The following DCDC1 variants were observed in gnomAD, a reference collection of about 807,000 sequenced individuals.
DCDC1 encodes the protein doublecortin domain containing 1, also known as doublecortin domain-containing protein 1.
A neutral mutation model predicts 178.3 loss-of-function variants in DCDC1; 200 were observed. The observed-to-expected ratio is 1.12, with a 90% CI of 1.00 to 1.26. The LOEUF is 1.26. DCDC1 is among the 50% of genes most tolerant of loss of function. The pLI is 0.00. For missense variants in DCDC1, 1,983 were observed against 1,749.2 expected (o/e 1.13, Z -2.38); for synonymous variants, 690 against 604.8 (o/e 1.14, Z -2.07).
chr11:31,305,708 T>C lies in DCDC1; in HGVS notation c.661A>G (p.Lys221Glu), dbSNP rs973275788. ...AARRVFLADG[K>E]EALEPEDIPH... The stretch of plus-strand genomic sequence containing the variant: ...ATATCTTCAGGTTCGAGGGCTTCCT[T>C]GCCGTCTGCCAAGAACACTCGTCTT... The change falls in exon 6 of 39, where the codon AAG becomes GAG. Residue 221 changes from lysine to glutamate, a missense_variant. Lys to Glu is a moderately conservative substitution (Grantham distance 56). Transcript: ENST00000684477. 3.7e-6 allele frequency: 6 copies of C among 1,613,794 alleles called. No individual in the cohort carries two copies. Among genetic ancestry groups the C allele is most frequent in the Non-Finnish European group, 5.1e-6 (6 of 1,179,908 alleles).
intron 3 of DCDC1, 28 bp from the exon 4 acceptor site, chr11:31,307,936 C>T (rs527943852): frequency 2.5e-6 from 4 of 1,610,168 alleles, no homozygotes; most frequent in African/African-American, 2.7e-5. Context: ...TGGAAGAATA[C>T]AATTAATTGA....
intron 1 of DCDC1, among the ~76,000 whole-genome samples, chr11:31,352,598 C>A (rs764753314): frequency 6.6e-6 from 1 of 152,098 alleles, no homozygotes; most frequent in African/African-American, 2.4e-5. Flanking sequence ...CAATGTACAA[C>A]TCAATCTCAA....
Position 30,970,196 on chromosome 11 carries a change from C to T in DCDC1, c.2592-17628G>A, listed in dbSNP as rs77566890. On this transcript the variant is annotated intron_variant, in intron 20 of 38. Transcript: ENST00000684477. ...AGCCATGGAAAAGTGCCTCAACCCT[C>T]GCAGGTCCTGAAACTAACATAGTGA... is the stretch of plus-strand genomic sequence containing the variant. Among the ~76,000 whole-genome samples, 176 of 152,256 alleles carry T rather than the reference C, an allele frequency of 1.2e-3. 2 individuals carry two copies. The highest frequency in any genetic ancestry group is 6.8e-3 in the East Asian group (35 of 5,172).
intron 9 of DCDC1, among the ~76,000 whole-genome samples, chr11:31,210,568 G>A (rs766647585): frequency 1.1e-4 from 17 of 151,868 alleles, no homozygotes; most frequent in Non-Finnish European, 2.5e-4. Context: ...AAAATTAGCT[G>A]GGCATGGTGG....
chr11:31,342,447 G>T (rs1043519933), intron 1 of DCDC1, among the ~76,000 whole-genome samples: 4 of 152,150 alleles, frequency 2.6e-5, no homozygotes, highest in Admixed American at 1.3e-4. Context: ...GAAGCATTTG[G>T]CACAGGGCTT....
chr11:31,099,721 G>GT (rs371157451), intron 15 of DCDC1, among the ~76,000 whole-genome samples: 5,077 of 136,138 alleles, frequency 0.037, 125 homozygotes, highest in Admixed American at 0.083. Flanking sequence ...TTTGTTTGTT[G>GT]TTTTTTTTTT....
At chr11:31,336,184 G>A (rs1950265616) in intron 1 of DCDC1, among the ~76,000 whole-genome samples, 3 of 152,228 alleles carry the variant, frequency 2.0e-5, no homozygotes, top group Admixed American at 6.5e-5. Context: ...GAGTATGTGG[G>A]AGTGGAGGGA....
intron 32 of DCDC1, among the ~76,000 whole-genome samples, chr11:30,902,365 G>T (rs1453768859): frequency 6.6e-6 from 1 of 152,098 alleles, no homozygotes; most frequent in African/African-American, 2.4e-5. Context: ...CCAATGCCTT[G>T]CTGTTGGACT....
At chr11:30,977,776 C>T (rs928835113) in intron 20 of DCDC1, among the ~76,000 whole-genome samples, 4 of 152,034 alleles carry the variant, frequency 2.6e-5, no homozygotes, top group African/African-American at 9.6e-5. Context: ...CAAAAAAATA[C>T]AAAAACCAGC....
At chr11:31,269,053 A>T (rs1945368726) in intron 7 of DCDC1, among the ~76,000 whole-genome samples, 1 of 152,232 alleles carries the variant, frequency 6.6e-6, no homozygotes, top group Admixed American at 6.5e-5. Flanking sequence ...AAAATCAAAC[A>T]CTAACATTTA....
intron 20 of DCDC1, among the ~76,000 whole-genome samples, chr11:30,969,347 A>G (rs1949650763): frequency 6.6e-6 from 1 of 152,208 alleles, no homozygotes; most frequent in African/African-American, 2.4e-5. Context: ...ATATGATCAC[A>G]AAAGCAAAGA....
At chr11:30,968,519 A>C (rs1949573824) in intron 20 of DCDC1, among the ~76,000 whole-genome samples, 2 of 151,584 alleles carry the variant, frequency 1.3e-5, no homozygotes, top group African/African-American at 2.4e-5. Context: ...ATATTGTTAT[A>C]ATTGTTCTAT....
chr11:31,064,964 T>A, intron 19 of DCDC1, 55 bp downstream of exon 19: 1 of 665,994 alleles, frequency 1.5e-6, no homozygotes, highest in Admixed American at 2.5e-5. Flanking sequence ...TTTTCTTTTT[T>A]CAAAATATAT....
At chr11:31,126,573 T>C (rs980524681) in intron 11 of DCDC1, among the ~76,000 whole-genome samples, 4 of 152,154 alleles carry the variant, frequency 2.6e-5, no homozygotes, top group Non-Finnish European at 4.4e-5. Flanking sequence ...GAAAGAGGAA[T>C]TGCAGAGATG....
Position 31,037,571 on chromosome 11 carries a change from A to T in DCDC1, c.2591+26898T>A, listed in dbSNP as rs555751501. The stretch of plus-strand genomic sequence containing the variant: ...CTCAGCCTCCCCAGTAGCTGGGACT[A>T]CAGGTGCCCGCCACCTAATTTTTTG... On this transcript the variant is annotated intron_variant, in intron 20 of 38. Coordinates refer to ENST00000684477, the MANE Select transcript of DCDC1 (RefSeq NM_001387274.1). Among the ~76,000 whole-genome samples, 9 of 151,748 alleles carry T rather than the reference A, an allele frequency of 5.9e-5. No homozygotes were observed. The South Asian group carries it at 1.9e-3, about 32-fold the overall frequency.
At chr11:30,878,130 C>G (rs1942308172) in intron 38 of DCDC1, among the ~76,000 whole-genome samples, 1 of 152,038 alleles carries the variant, frequency 6.6e-6, no homozygotes, top group Non-Finnish European at 1.5e-5. Context: ...TCAAATGTCA[C>G]TTTATGTAAA....
chr11:31,217,422 T>C (rs1973727609), intron 9 of DCDC1, among the ~76,000 whole-genome samples: 1 of 152,214 alleles, frequency 6.6e-6, no homozygotes, highest in Non-Finnish European at 1.5e-5. Context: ...TTTGAAAAGC[T>C]GTCATAGTAA....
At chr11:31,312,492 G>A (rs539510684) in intron 3 of DCDC1, among the ~76,000 whole-genome samples, 6 of 152,322 alleles carry the variant, frequency 3.9e-5, no homozygotes, top group South Asian at 2.1e-4. Flanking sequence ...GATGTTTCCA[G>A]AAGAGATTAG....
chr11:31,065,792 T>C (rs1337335822), intron 18 of DCDC1, among the ~76,000 whole-genome samples: 3 of 152,178 alleles, frequency 2.0e-5, no homozygotes, highest in Admixed American at 6.5e-5. Context: ...TAGCCACCCA[T>C]TGTTGACTCT....
Sources: gnomAD v4.1 joint callset for allele counts (sites outside exome capture counted in the v4.1 genomes callset) on GRCh38, gnomAD v4.1.1 for gene constraint, MANE v1.5 for transcripts, NCBI Gene and HGNC (gene_info 2026-07-23, HGNC 2026-07-21) for gene names.